Variants in NEDD1 observed in about 807,000 individuals in gnomAD.
The protein encoded by NEDD1 is protein NEDD1.
NEDD1 carries 33 observed loss-of-function variants against 74.0 expected under a neutral mutation model. That is an observed-to-expected ratio of 0.45 (90% confidence interval 0.34 to 0.60). NEDD1 has a LOEUF of 0.60. NEDD1 is among the 20% of genes least tolerant of loss of function. The pLI, the probability that NEDD1 is intolerant of heterozygous loss-of-function variation, is 0.01. For missense variants in NEDD1, 746 were observed against 776.5 expected, an observed-to-expected ratio of 0.96 and a Z score of 0.47; for synonymous variants, 250 against 264.4, an observed-to-expected ratio of 0.95 and a Z score of 0.53.
intron 9 of NEDD1, among the ~76,000 whole-genome samples, chr12:96,938,533 T>G (rs959618330): frequency 4.6e-5 from 7 of 152,208 alleles, no homozygotes; most frequent in African/African-American, 1.7e-4. Context: ...GGCTCTTGTT[T>G]AACAAAGACA....
At chr12:96,927,758 T>G (rs1875871465) in intron 6 of NEDD1, among the ~76,000 whole-genome samples, 1 of 152,182 alleles carries the variant, frequency 6.6e-6, no homozygotes, top group African/African-American at 2.4e-5. Flanking sequence ...TTAATTACAT[T>G]TTTAGAAATA....
chr12:96,930,156 A>AACACAC (rs61405089), intron 6 of NEDD1, among the ~76,000 whole-genome samples: 16 of 93,680 alleles, frequency 1.7e-4, no homozygotes, highest in Non-Finnish European at 2.3e-4. Context: ...TCTGTTGTAA[A>AACACAC]ACACACACAC....
At chr12:96,943,459 A>T in intron 11 of NEDD1, 101 bp from the exon 12 acceptor site, 1 of 769,948 alleles carries the variant, frequency 1.3e-6, no homozygotes, top group Non-Finnish European at 2.2e-6. Context: ...ATGCAGATCC[A>T]TATCTTCTTC....
At chr12:96,941,730 G>A (rs1256898068) in intron 10 of NEDD1, among the ~76,000 whole-genome samples, 1 of 152,068 alleles carries the variant, frequency 6.6e-6, no homozygotes, top group Non-Finnish European at 1.5e-5. Context: ...TAGTTTTTAA[G>A]ACAAATGAAT....
At chr12:96,932,235 A>G (rs1300205545) in intron 6 of NEDD1, among the ~76,000 whole-genome samples, 1 of 150,722 alleles carries the variant, frequency 6.6e-6, no homozygotes, top group Admixed American at 6.7e-5. Flanking sequence ...TTTCTTATAA[A>G]TAATTTAGTC....
At position 96,909,744 on chromosome 12, in the gene NEDD1, A is replaced by G. The variant is rs11108735; in HGVS notation, c.-8-8A>G. On this transcript the variant is annotated splice_region_variant and splice_polypyrimidine_tract_variant and intron_variant, in intron 2 of 15. Coordinates refer to ENST00000266742, the MANE Select transcript of NEDD1 (RefSeq NM_152905.4). ...TTTTTAAAATACATTGTTTTAAACT[A>G]TTTGTAGGCGCAGTCATGCAGGAAA... 437,200 of 1,600,456 alleles carry G rather than the reference A, an allele frequency of 0.27. 62,154 individuals are homozygous for G. The highest frequency in any genetic ancestry group is 0.42 in the South Asian group (37,332 of 89,074).
At chr12:96,930,239 T>A (rs1184774801) in intron 6 of NEDD1, among the ~76,000 whole-genome samples, 1 of 151,032 alleles carries the variant, frequency 6.6e-6, no homozygotes. Flanking sequence ...TCTCTCTCTC[T>A]CTCTCACACT....
intron 10 of NEDD1, among the ~76,000 whole-genome samples, chr12:96,940,953 C>T (rs249578): frequency 0.15 from 22,508 of 151,968 alleles, 1,970 homozygotes; most frequent in Middle Eastern, 0.25. Context: ...AAAAAGTTGG[C>T]ATAATAAAAA....
At chr12:96,930,481 T>C (rs1884861616) in intron 6 of NEDD1, among the ~76,000 whole-genome samples, 1 of 152,124 alleles carries the variant, frequency 6.6e-6, no homozygotes, top group African/African-American at 2.4e-5. Context: ...CAGGACCAAA[T>C]TGTGACAACA....
rs749990838 is a variant in NEDD1, at chr12:96,943,695, G to A, written c.1430G>A (p.Arg477His). Residue 477 changes from arginine to histidine, a missense_variant, in exon 12 of 16, where the codon CGT becomes CAT. By Grantham distance (29) the Arg-to-His change is conservative. This residue lies in a region of NEDD1 where 706 missense variants were observed against 706.7 expected (regional missense o/e 1.00). Transcript: ENST00000266742. ...GSPGKEENEN[R>H]DLTAESKKIY... Reference sequence around the variant, plus strand: ...CCAGGGAAAGAGGAAAATGAAAACCGTGATCTAACAGCTGAGTCTAAGAAA... The same window carrying A: ...CCAGGGAAAGAGGAAAATGAAAACCATGATCTAACAGCTGAGTCTAAGAAA... 18 of 1,612,502 alleles carry A rather than the reference G, an allele frequency of 1.1e-5. No homozygotes were observed. In the East Asian group the frequency reaches 2.2e-4, roughly 20 times the overall value.
intron 3 of NEDD1, 39 bp from the exon 4 acceptor site, chr12:96,912,684 G>A (rs1465928866): frequency 1.1e-6 from 1 of 933,898 alleles, no homozygotes; most frequent in South Asian, 1.4e-5. Context: ...TGCTATAGAT[G>A]TTCATGGATT....
At chr12:96,930,207 A>ACTCT (rs1304569865) in intron 6 of NEDD1, among the ~76,000 whole-genome samples, 7 of 91,248 alleles carry the variant, frequency 7.7e-5, no homozygotes, top group South Asian at 3.6e-4. Context: ...ACACACACAC[A>ACTCT]CACACTCTCT....
intron 9 of NEDD1, 134 bp from the exon 10 acceptor site, chr12:96,940,275 C>T: frequency 2.2e-6 from 1 of 460,774 alleles, no homozygotes; most frequent in Non-Finnish European, 3.9e-6. Flanking sequence ...TTGTCATATT[C>T]TGTTTTATTC....
At chr12:96,941,727 T>A (rs1474292844) in intron 10 of NEDD1, among the ~76,000 whole-genome samples, 1 of 152,152 alleles carries the variant, frequency 6.6e-6, no homozygotes, top group Non-Finnish European at 1.5e-5. Flanking sequence ...TAATAGTTTT[T>A]AAGACAAATG....
intron 6 of NEDD1, chr12:96,924,692 A>G (rs1383498041): frequency 8.4e-6 from 2 of 237,854 alleles, no homozygotes; most frequent in Non-Finnish European, 1.7e-5. Flanking sequence ...AATAGTTTGG[A>G]CAGTCTTGAT....
chr12:96,908,666 G>A (rs980875325), intron 2 of NEDD1, among the ~76,000 whole-genome samples: 1 of 152,186 alleles, frequency 6.6e-6, no homozygotes, highest in Non-Finnish European at 1.5e-5. Flanking sequence ...TATTGGTATA[G>A]GGACTTAGTG....
At position 96,917,622 on chromosome 12, in the gene NEDD1, A is replaced by G. The variant is rs756674772; in HGVS notation, c.233A>G (p.Gln78Arg). 3 of 1,504,682 alleles carry G rather than the reference A, an allele frequency of 2.0e-6. No individual in the cohort carries two copies. Among genetic ancestry groups the G allele is most frequent in the Non-Finnish European group, 2.6e-6 (3 of 1,135,888 alleles). 93.2% of individuals were successfully genotyped at this position (1,504,682 alleles called of 1,614,324 possible). A position where few individuals can be genotyped will look rare whatever the true frequency, so the allele number is the denominator to read the frequency against. Residue 78 changes from glutamine to arginine, a missense_variant and splice_region_variant, in exon 5 of 16, where the codon CAA becomes CGA. Gln to Arg is a conservative substitution (Grantham distance 43). This residue lies in a region of NEDD1 where 706 missense variants were observed against 706.7 expected (regional missense o/e 1.00). Transcript: ENST00000266742. ...PVPLLELAEG[Q>R]KQTCVNLNST... The stretch of plus-strand genomic sequence containing the variant: ...ACTTTTTTTTTTTTTTTTAAATAGC[A>G]AAAGCAGACATGTGTCAATTTAAAT...
rs1878868979 is a variant in NEDD1 at position 96,953,269 on chromosome 12, A to T, written c.*1216A>T. 1 of 151,454 alleles carries T rather than the reference A, an allele frequency of 6.6e-6. No individual in the cohort carries two copies. The highest frequency in any genetic ancestry group is 1.5e-5 in the Non-Finnish European group (1 of 67,626). The allele number at this position is 151,454 out of a possible 1,614,324, so 9.4% of individuals were successfully genotyped here. A position where few individuals can be genotyped will look rare whatever the true frequency, so the allele number is the denominator to read the frequency against. On this transcript the variant is annotated 3_prime_UTR_variant, in exon 16 of 16. Transcript: ENST00000266742. ...ACTAACTTTATGGGTTTCTGAAGTG[A>T]TGGAAATTTTTAAGGATATATTTAA...
intron 11 of NEDD1, 73 bp downstream of exon 11, chr12:96,942,697 C>T: frequency 1.3e-6 from 1 of 769,006 alleles, no homozygotes; most frequent in East Asian, 2.5e-5. Flanking sequence ...TAACAAATCT[C>T]TCCAACACTT....
Sources: allele counts gnomAD v4.1 joint callset (sites outside exome capture counted in the v4.1 genomes callset), GRCh38; gene constraint gnomAD v4.1.1; regional missense constraint gnomAD v4.1.1; transcripts MANE v1.5; gene names NCBI Gene and HGNC (gene_info 2026-07-23, HGNC 2026-07-21).